The following TRIM49C variants were observed in gnomAD, a reference collection of about 807,000 sequenced individuals.
TRIM49C encodes the protein tripartite motif-containing protein 49C.
A neutral mutation model predicts 21.4 loss-of-function variants in TRIM49C; 6 were observed. The ratio of observed to expected loss-of-function variants is 0.28; its 90% CI spans 0.15 to 0.55. TRIM49C has a LOEUF of 0.55. TRIM49C is among the 20% of genes least tolerant of loss of function. The pLI is 0.94. For missense variants in TRIM49C, 161 were observed against 442.4 expected (o/e 0.36, Z 5.71); for synonymous variants, 57 against 148.1 (o/e 0.38, Z 4.47).
the TRIM49C span, chr11:90,052,598 C>A: frequency 0.04 from 5,659 of 142,668 alleles, 223 homozygotes; most frequent in Middle Eastern, 0.063. Flanking sequence ...CAACCGCTCC[C>A]GGCAGGGGCG....
chr11:90,071,843 G>C, the TRIM49C span: 1 of 723,050 alleles, frequency 1.4e-6, no homozygotes, highest in South Asian at 1.6e-5. Flanking sequence ...TTCAGTTATG[G>C]TTTTCTATGG....
At chr11:90,056,025 C>A in the TRIM49C span, among the ~76,000 whole-genome samples, 1 of 122,380 alleles carries the variant, frequency 8.2e-6, no homozygotes, top group African/African-American at 2.9e-5. Flanking sequence ...GTGGCACAAT[C>A]TTGGCTCACT....
the TRIM49C span, among the ~76,000 whole-genome samples, chr11:90,062,235 A>G: frequency 7.3e-6 from 1 of 136,768 alleles, no homozygotes; most frequent in Non-Finnish European, 1.6e-5. Context: ...TGATAGAAAC[A>G]TAATAGAGAG....
chr11:90,043,485 A>G (rs11822300), downstream of TRIM49C, among the ~76,000 whole-genome samples: 9,524 of 121,402 alleles, frequency 0.078, 3,311 homozygotes, highest in African/African-American at 0.3. Flanking sequence ...AAATACGCTA[A>G]TTATAGGTAT....
At chr11:90,048,641 C>T in the TRIM49C span, among the ~76,000 whole-genome samples, 2 of 122,206 alleles carry the variant, frequency 1.6e-5, no homozygotes, top group African/African-American at 6.6e-5. Context: ...ACTTCTCTAC[C>T]TTGGTTATTC....
the TRIM49C span, among the ~76,000 whole-genome samples, chr11:90,060,275 CA>C: frequency 2.9e-5 from 4 of 138,878 alleles, no homozygotes; most frequent in African/African-American, 5.4e-5. Flanking sequence ...CCACATGCTG[CA>C]AAAAAATATA....
the TRIM49C span, among the ~76,000 whole-genome samples, chr11:90,069,084 T>TTTTTG: frequency 1.5e-5 from 2 of 130,048 alleles, 1 homozygote; most frequent in Non-Finnish European, 3.2e-5. Context: ...CAAAAATTGA[T>TTTTTG]TTTTGTTTTG....
At chr11:90,060,551 G>A in the TRIM49C span, among the ~76,000 whole-genome samples, 1 of 145,748 alleles carries the variant, frequency 6.9e-6, no homozygotes, top group Non-Finnish European at 1.5e-5. Context: ...TTATTTCCAA[G>A]GAAAGCTCTG....
downstream of TRIM49C, among the ~76,000 whole-genome samples, chr11:90,046,445 C>A (rs544494219): frequency 2.4e-5 from 3 of 125,878 alleles, no homozygotes; most frequent in East Asian, 7.5e-4. Context: ...TAATTATTGC[C>A]TTAATTTCAG....
chr11:90,037,276 A>C (rs547050376), intron 4 of TRIM49C, among the ~76,000 whole-genome samples: 25,357 of 131,214 alleles, frequency 0.19, 5,311 homozygotes, highest in African/African-American at 0.36. Context: ...AAGATGGCCA[A>C]ATCATAAATG....
chr11:90,035,119 A>C, intron 2 of TRIM49C, 89 bp from the exon 3 acceptor site: 2 of 1,478,148 alleles, frequency 1.4e-6, no homozygotes, highest in Admixed American at 4.4e-5. Flanking sequence ...TGTCAAGAGA[A>C]GAAAATATAA....
At chr11:90,048,488 C>G in the TRIM49C span, among the ~76,000 whole-genome samples, 3 of 121,410 alleles carry the variant, frequency 2.5e-5, 1 homozygote, top group Non-Finnish European at 5.0e-5. Flanking sequence ...TCTCTCTAAA[C>G]TTCTCTTCTC....
In TRIM49C at chr11:90,039,571, G is replaced by A. The variant is rs1236757505; in HGVS notation, c.762-294G>A. Reference sequence around the variant, plus strand: ...CAAAGATGTCAGGGGAGTCTGCCAAGAAGTGGAACTCAGAATTTCGTTTCT... The same window carrying A: ...CAAAGATGTCAGGGGAGTCTGCCAAAAAGTGGAACTCAGAATTTCGTTTCT... On this transcript the variant is annotated intron_variant, in intron 6 of 7. Transcript: ENST00000448984. Among the ~76,000 whole-genome samples the A allele has an allele frequency of 2.3e-5, 3 of 131,676 alleles. 1 individual carries two copies. The allele number at this position is 131,676 out of a possible 152,430, so 86.4% of individuals were successfully genotyped here.
At position 90,035,643 on chromosome 11, in the gene TRIM49C, T is replaced by A. The variant is rs755988557; in HGVS notation, c.411+21T>A. Reference sequence around the variant, plus strand: ...ACCGGGTAAGTGATGGCTCTGAAGATCGATTTCTGTAAAGGAAGCATAAAA... The same window carrying A: ...ACCGGGTAAGTGATGGCTCTGAAGAACGATTTCTGTAAAGGAAGCATAAAA... On this transcript the variant is annotated intron_variant, in intron 3 of 7. Transcript: ENST00000448984. 139 of 1,378,394 alleles carry A rather than the reference T, an allele frequency of 1.0e-4. 17 individuals are homozygous for A. The highest frequency in any genetic ancestry group is 1.6e-4 in the Admixed American group (6 of 37,992). 85.4% of individuals were successfully genotyped at this position (1,378,394 alleles called of 1,614,324 possible). A position where few individuals can be genotyped will look rare whatever the true frequency, so the allele number is the denominator to read the frequency against.
chr11:90,053,305 C>T, the TRIM49C span: 21 of 145,078 alleles, frequency 1.4e-4, no homozygotes, highest in African/African-American at 4.3e-4. Flanking sequence ...ATGATTAGGG[C>T]TGCGTTCCCC....
chr11:90,049,019 G>T, the TRIM49C span, among the ~76,000 whole-genome samples: 3 of 127,576 alleles, frequency 2.4e-5, no homozygotes, highest in Non-Finnish European at 4.8e-5. Flanking sequence ...GGTGGAGTTT[G>T]CTGGAGGTCC....
rs180730742 is a variant in TRIM49C at position 90,038,940 on chromosome 11, G to A, written c.761+225G>A. Reference sequence around the variant, plus strand: ...GATTCCTGGTTTTGTTTTTTTTTGAGACGCTGTCTGGCTCTGTCGCCCAGG... The same window carrying A: ...GATTCCTGGTTTTGTTTTTTTTTGAAACGCTGTCTGGCTCTGTCGCCCAGG... On this transcript the variant is annotated intron_variant, in intron 6 of 7. Transcript: ENST00000448984. Among the ~76,000 whole-genome samples, 433 of 136,138 alleles carry A rather than the reference G, an allele frequency of 3.2e-3. 10 individuals carry two copies. The highest frequency in any genetic ancestry group is 0.011 in the African/African-American group (409 of 38,370). 89.3% of individuals were successfully genotyped at this position (136,138 alleles called of 152,430 possible).
chr11:90,046,465 T>C (rs1333561660), downstream of TRIM49C, among the ~76,000 whole-genome samples: 1 of 125,672 alleles, frequency 8.0e-6, no homozygotes, highest in Non-Finnish European at 1.6e-5. Context: ...GAGCCTGTTA[T>C]TGATCTATTC....
chr11:90,062,869 C>T, the TRIM49C span: 8 of 1,407,632 alleles, frequency 5.7e-6, no homozygotes, highest in Non-Finnish European at 5.6e-6. Context: ...CTGCCTTCTT[C>T]TGAGCAGAGG....
Sources: allele counts gnomAD v4.1 joint callset (sites outside exome capture counted in the v4.1 genomes callset), GRCh38; gene constraint gnomAD v4.1.1; transcripts MANE v1.5; gene names NCBI Gene and HGNC (gene_info 2026-07-23, HGNC 2026-07-21).